CHST7: variants seen among roughly 807,000 people sequenced by gnomAD.
CHST7 encodes the protein carbohydrate sulfotransferase 7.
In CHST7, 5 loss-of-function variants were observed where a neutral mutation model predicts 9.0. The ratio of observed to expected loss-of-function variants is 0.56; its 90% CI spans 0.29 to 1.17. The LOEUF (loss-of-function observed/expected upper bound fraction) is 1.17, where lower values mean the gene tolerates loss of function less well. Among genes scored for constraint, CHST7 ranks in the 50% most tolerant of loss-of-function variants. CHST7 has a pLI of 0.08. For missense variants in CHST7, 377 were observed against 485.1 expected (o/e 0.78, Z 2.09); for synonymous variants, 244 against 237.1 (o/e 1.03, Z -0.27).
chrX:46,574,997 C>G lies in CHST7; in HGVS notation c.1066C>G (p.Leu356Val). Residue 356 changes from leucine (L) to valine (V), a missense_variant, in exon 1 of 2, where the codon CTG (leucine) becomes GTG (valine). Transcript: ENST00000276055. ...GATCTGCGAAGCCTGGCTGCGCGAT[C>G]TGCTTTTCGCGCGCGGCGCGCCCGC... is the stretch of plus-strand genomic sequence containing the variant. ...EVICEAWLRDLLFARGAPAWL... is the reference protein window; with the variant it reads ...EVICEAWLRDVLFARGAPAWL... 8.8e-7 allele frequency: 1 copy of G among 1,142,623 alleles called. No homozygotes were observed. Among genetic ancestry groups the G allele is most frequent in the East Asian group, 3.4e-5 (1 of 29,331 alleles). The allele number at this position is 1,142,623 out of a possible 1,213,427, so 94.2% of individuals were successfully genotyped here.
chrX:46,575,943 A>C (rs1387684991), intron 1 of CHST7, among the ~76,000 whole-genome samples: 1 of 111,435 alleles, frequency 9.0e-6, no homozygotes, highest in African/African-American at 3.3e-5. Flanking sequence ...AACCCTACCT[A>C]TCCCTAATCT....
rs149927772 is a variant in CHST7, at chrX:46,586,559, G to A, written c.*31+11136G>A. 2.6e-3 allele frequency among the ~76,000 whole-genome samples: 291 copies of A among 111,874 alleles called. 1 individual carries two copies. The highest frequency in any genetic ancestry group is 2.4e-3 in the Non-Finnish European group (128 of 53,176). On this transcript the variant is annotated intron_variant, in intron 1 of 1. Coordinates refer to ENST00000276055, the MANE Select transcript of CHST7 (RefSeq NM_019886.4). ...CTCACTTAGTGGATCACAAACATCT[G>A]CAGGTGGCTTGTCCAAATATATATT...
intron 1 of CHST7, among the ~76,000 whole-genome samples, chrX:46,578,677 C>T (rs761325217): frequency 2.7e-4 from 30 of 110,027 alleles, no homozygotes; most frequent in African/African-American, 9.0e-4. Flanking sequence ...CTGCCTGCCT[C>T]GGCCTCTCAA....
At chrX:46,589,549 C>CAA (rs758495614) in intron 1 of CHST7, among the ~76,000 whole-genome samples, 2 of 65,730 alleles carry the variant, frequency 3.0e-5, no homozygotes, top group Non-Finnish European at 5.9e-5. Flanking sequence ...GACTCTGTCT[C>CAA]AAAAAAAAAA....
At position 46,573,887 on chromosome X, in the gene CHST7, C is replaced by A. The variant is rs1333311126; in HGVS notation, c.-45C>A. ...GACCTGGCACGGGATTTCTGAGGAA[C>A]GGGAGAAGACTGGCGCCCGACCCGC... On this transcript the variant is annotated 5_prime_UTR_variant, in exon 1 of 2. Coordinates refer to ENST00000276055, the MANE Select transcript of CHST7 (RefSeq NM_019886.4). The A allele has an allele frequency of 2.6e-6, 3 of 1,152,346 alleles. No individual in the cohort carries two copies. The East Asian group carries it at 9.8e-5, about 38-fold the overall frequency. The allele number at this position is 1,152,346 out of a possible 1,213,427, so 95.0% of individuals were successfully genotyped here. A position where few individuals can be genotyped will look rare whatever the true frequency, so the allele number is the denominator to read the frequency against.
chrX:46,584,554 A>AAAAAAG (rs1942540036), intron 1 of CHST7, among the ~76,000 whole-genome samples: 1 of 107,358 alleles, frequency 9.3e-6, no homozygotes, highest in Non-Finnish European at 1.9e-5. Context: ...AAAAAAAAAA[A>AAAAAAG]GGTGCCCTGA....
At position 46,598,358 on chromosome X, in the gene CHST7, G is replaced by A. The variant is rs976375328; in HGVS notation, c.*630G>A. On this transcript the variant is annotated 3_prime_UTR_variant, in exon 2 of 2. Coordinates refer to ENST00000276055, the MANE Select transcript of CHST7 (RefSeq NM_019886.4). Reference sequence around the variant, plus strand: ...TTACTTTAAAATTTTTCTGTCTGGCGTTTTTGTAATCATACTATTAAATGA... The same window carrying A: ...TTACTTTAAAATTTTTCTGTCTGGCATTTTTGTAATCATACTATTAAATGA... 2 of 111,960 alleles carry A rather than the reference G, an allele frequency of 1.8e-5. No homozygotes were observed. The highest frequency in any genetic ancestry group is 3.2e-5 in the African/African-American group (1 of 30,800). 9.2% of individuals were successfully genotyped at this position (111,960 alleles called of 1,213,427 possible).
intron 1 of CHST7, among the ~76,000 whole-genome samples, chrX:46,594,038 T>A (rs1412204100): frequency 4.4e-5 from 5 of 112,530 alleles, no homozygotes; most frequent in Non-Finnish European, 1.9e-5. Flanking sequence ...TTAAATTTAC[T>A]CATATTTTAC....
intron 1 of CHST7, among the ~76,000 whole-genome samples, chrX:46,582,578 T>C (rs1408098140): frequency 1.8e-5 from 2 of 112,158 alleles, no homozygotes; most frequent in Non-Finnish European, 1.9e-5. Flanking sequence ...GAAATCAACT[T>C]CTTAGCCCTT....
chrX:46,573,842 C>A lies in CHST7; in HGVS notation c.-90C>A. The A allele has an allele frequency of 8.9e-7, 1 of 1,124,787 alleles. No homozygotes were observed. The allele number at this position is 1,124,787 out of a possible 1,213,427, so 92.7% of individuals were successfully genotyped here. On this transcript the variant is annotated 5_prime_UTR_variant, in exon 1 of 2. Transcript: ENST00000276055. Reference sequence around the variant, plus strand: ...TCTGCTCCTCCCGGCGCAGAGGGGCCGGGAGAGGCCACAGGAGCGGACCTG... The same window carrying A: ...TCTGCTCCTCCCGGCGCAGAGGGGCAGGGAGAGGCCACAGGAGCGGACCTG...
At chrX:46,585,123 T>C (rs956581421) in intron 1 of CHST7, among the ~76,000 whole-genome samples, 2 of 109,996 alleles carry the variant, frequency 1.8e-5, no homozygotes, top group Non-Finnish European at 3.8e-5. Context: ...GTAAGAGAAG[T>C]AGATCTGTCT....
chrX:46,597,382 G>A (rs1169199849), intron 1 of CHST7, among the ~76,000 whole-genome samples: 2 of 112,032 alleles, frequency 1.8e-5, no homozygotes, highest in African/African-American at 6.5e-5. Flanking sequence ...TGGTACATAA[G>A]TGAAGAATGG....
intron 1 of CHST7, among the ~76,000 whole-genome samples, chrX:46,591,949 T>C (rs148476822): frequency 0.011 from 1,260 of 111,332 alleles, 5 homozygotes; most frequent in Middle Eastern, 0.019. Flanking sequence ...CTCCCACTTA[T>C]GAGTGAGAAC....
At chrX:46,593,220 G>A (rs754153833) in intron 1 of CHST7, among the ~76,000 whole-genome samples, 1 of 111,548 alleles carries the variant, frequency 9.0e-6, no homozygotes, top group Admixed American at 9.5e-5. Context: ...CAGTCCTTCT[G>A]TATCCTTACT....
rs1474133767 is a variant in CHST7 at position 46,584,512 on chromosome X, G to A, written c.*31+9089G>A. Among the ~76,000 whole-genome samples the A allele has an allele frequency of 3.7e-5, 3 of 81,840 alleles. No individual in the cohort carries two copies. The East Asian group carries it at 1.3e-3, about 35-fold the overall frequency. 71.1% of individuals were successfully genotyped at this position (81,840 alleles called of 115,157 possible). On this transcript the variant is annotated intron_variant, in intron 1 of 1. Transcript: ENST00000276055. ...AGATCGCACCATTGCACTCCAGTCT[G>A]GGCAACAACAGTGAAACTGTCTCAA...
chrX:46,583,128 C>T, intron 1 of CHST7, among the ~76,000 whole-genome samples: 1 of 111,603 alleles, frequency 9.0e-6, no homozygotes, highest in South Asian at 3.8e-4. Flanking sequence ...ACAAAAAAAA[C>T]TAAACTGGCC....
At chrX:46,595,228 A>G (rs1942588417) in intron 1 of CHST7, among the ~76,000 whole-genome samples, 1 of 112,876 alleles carries the variant, frequency 8.9e-6, no homozygotes, top group South Asian at 3.6e-4. Flanking sequence ...CATCTGTGTC[A>G]TCTCAGTGTT....
At chrX:46,580,685 G>T (rs1482701076) in intron 1 of CHST7, among the ~76,000 whole-genome samples, 1 of 111,817 alleles carries the variant, frequency 8.9e-6, no homozygotes, top group East Asian at 2.8e-4. Context: ...TGATGGATAC[G>T]GTGTTAAGGA....
intron 1 of CHST7, among the ~76,000 whole-genome samples, chrX:46,576,146 C>T (rs900633897): frequency 3.9e-5 from 4 of 103,595 alleles, no homozygotes; most frequent in Non-Finnish European, 7.9e-5. Context: ...CCCTCCCCCT[C>T]CTTCCCTCTC....
Sources: gnomAD v4.1 joint callset for allele counts (sites outside exome capture counted in the v4.1 genomes callset) on GRCh38, gnomAD v4.1.1 for gene constraint, MANE v1.5 for transcripts, NCBI Gene and HGNC (gene_info 2026-07-23, HGNC 2026-07-21) for gene names.